CPEB3: variants seen among roughly 807,000 people sequenced by gnomAD.
CPEB3 encodes cytoplasmic polyadenylation element binding protein 3, also known as cytoplasmic polyadenylation element-binding protein 3.
CPEB3 carries 20 observed loss-of-function variants against 67.2 expected under a neutral mutation model. That is an observed-to-expected ratio of 0.30 (90% confidence interval 0.21 to 0.43). The LOEUF is 0.43. Among genes scored for constraint, CPEB3 ranks in the 20% least tolerant of loss-of-function variants. The pLI is 1.00. For missense variants in CPEB3, 746 were observed against 968.6 expected (o/e 0.77, Z 3.05); for synonymous variants, 376 against 393.1 (o/e 0.96, Z 0.51).
Position 92,239,277 on chromosome 10 carries a change from T to A in CPEB3, c.1005+69A>T. The A allele has an allele frequency of 6.6e-7, 1 of 1,518,340 alleles. No homozygotes were observed. The highest frequency in any genetic ancestry group is 1.2e-5 in the South Asian group (1 of 82,730). 94.1% of individuals were successfully genotyped at this position (1,518,340 alleles called of 1,614,324 possible). ...TTTTAAATATAAGCGGGTGGATGAT[T>A]AAAAGTCAGAGAAGTGGCAAAAGGA... is the stretch of plus-strand genomic sequence containing the variant. On this transcript the variant is annotated intron_variant, in intron 2 of 9. Coordinates refer to ENST00000265997, the MANE Select transcript of CPEB3 (RefSeq NM_014912.5). The surrounding 1 kb of genome is among the most constrained non-coding windows in gnomAD (Gnocchi z 6.0).
chr10:92,109,072 A>G (rs73314359), intron 7 of CPEB3, among the ~76,000 whole-genome samples: 1,721 of 152,240 alleles, frequency 0.011, 26 homozygotes, highest in African/African-American at 0.039. Flanking sequence ...CTATTTCAAC[A>G]TGTACTACTA....
At chr10:92,253,480 AAAAAGAAAAGAAAG>A (rs1166384503) in intron 1 of CPEB3, among the ~76,000 whole-genome samples, 1 of 150,132 alleles carries the variant, frequency 6.7e-6, no homozygotes, top group East Asian at 1.9e-4. Context: ...AAAAAAAAAA[AAAAAGAAAAGAAAG>A]AAAAGAAAAT....
At chr10:92,276,398 C>A (rs1841990910) in intron 1 of CPEB3, among the ~76,000 whole-genome samples, 2 of 151,610 alleles carry the variant, frequency 1.3e-5, no homozygotes, top group Non-Finnish European at 2.9e-5. Flanking sequence ...CCTGCCTCAG[C>A]CTCCTGAGTA....
chr10:92,178,863 G>C (rs1193076256), intron 4 of CPEB3, among the ~76,000 whole-genome samples: 2 of 152,052 alleles, frequency 1.3e-5, no homozygotes, highest in Non-Finnish European at 2.9e-5. Flanking sequence ...TACTATGGAG[G>C]ATATTTTTGT....
chr10:92,118,833 G>C (rs1845176048), intron 6 of CPEB3: 1 of 774,368 alleles, frequency 1.3e-6, no homozygotes, highest in Non-Finnish European at 2.4e-6. Flanking sequence ...ACTATCTACA[G>C]TTGGTCTCTT....
At chr10:92,135,279 C>A (rs969464095) in intron 6 of CPEB3, among the ~76,000 whole-genome samples, 2 of 152,164 alleles carry the variant, frequency 1.3e-5, no homozygotes, top group East Asian at 1.9e-4. Context: ...ACAAAGGGCT[C>A]ATATCCAGAA....
chr10:92,128,494 A>T (rs1362966401), intron 6 of CPEB3, among the ~76,000 whole-genome samples: 2 of 152,130 alleles, frequency 1.3e-5, no homozygotes, highest in African/African-American at 2.4e-5. Context: ...AAAATATGAA[A>T]ATTGGTAACT....
At chr10:92,280,752 T>A (rs908997791) in intron 1 of CPEB3, among the ~76,000 whole-genome samples, 1 of 136,468 alleles carries the variant, frequency 7.3e-6, no homozygotes, top group Non-Finnish European at 1.5e-5. Context: ...GAGCATCTAT[T>A]CTTTTTTTTT....
At chr10:92,187,531 G>A (rs1848749957) in intron 3 of CPEB3, among the ~76,000 whole-genome samples, 1 of 152,198 alleles carries the variant, frequency 6.6e-6, no homozygotes, top group African/African-American at 2.4e-5. Context: ...GGCTTCCCCA[G>A]TTAGGGTATA....
intron 2 of CPEB3, among the ~76,000 whole-genome samples, chr10:92,209,698 T>C (rs1490598150): frequency 1.3e-5 from 2 of 151,660 alleles, no homozygotes; most frequent in African/African-American, 4.8e-5. Flanking sequence ...CCCAGCACTT[T>C]GGGAGGCAGA....
intron 3 of CPEB3, among the ~76,000 whole-genome samples, chr10:92,182,613 G>A (rs954313886): frequency 6.6e-6 from 1 of 152,134 alleles, no homozygotes; most frequent in African/African-American, 2.4e-5. Context: ...ATCATCTGAG[G>A]TCATGAGTTA....
At chr10:92,291,202 C>G (rs943319837), upstream of CPEB3, 38 of 512,174 alleles carry the variant, frequency 7.4e-5, no homozygotes, top group African/African-American at 7.4e-4. Context: ...GGCAGCAACT[C>G]GGCGCCCGCG....
chr10:92,117,530 C>T (rs1022378945), intron 6 of CPEB3, among the ~76,000 whole-genome samples: 9 of 151,298 alleles, frequency 5.9e-5, no homozygotes, highest in East Asian at 3.9e-4. Flanking sequence ...CGGGGTTTCA[C>T]GGTGTTAGCC....
chr10:92,067,814 A>G (rs942193081), intron 9 of CPEB3, among the ~76,000 whole-genome samples: 1 of 152,218 alleles, frequency 6.6e-6, no homozygotes, highest in Non-Finnish European at 1.5e-5. Flanking sequence ...GCAAAACTCC[A>G]TCTCGAAAAA....
intron 4 of CPEB3, among the ~76,000 whole-genome samples, chr10:92,156,189 G>A (rs1260535357): frequency 4.6e-5 from 7 of 152,160 alleles, no homozygotes; most frequent in Non-Finnish European, 1.0e-4. Flanking sequence ...GGCCACTGGA[G>A]AAGGCTTCCT....
At chr10:92,244,204 G>A (rs1347104531) in intron 1 of CPEB3, among the ~76,000 whole-genome samples, 1 of 151,724 alleles carries the variant, frequency 6.6e-6, no homozygotes, top group Non-Finnish European at 1.5e-5. Flanking sequence ...AAAATTAGCT[G>A]AGCATGGTGG....
chr10:92,148,033 A>G (rs990491956), intron 4 of CPEB3, among the ~76,000 whole-genome samples: 1 of 152,182 alleles, frequency 6.6e-6, no homozygotes, highest in African/African-American at 2.4e-5. Flanking sequence ...TGTTTAGTCT[A>G]CTGACTTCTA....
chr10:92,094,398 C>A (rs1479510584), intron 7 of CPEB3, among the ~76,000 whole-genome samples: 1 of 151,830 alleles, frequency 6.6e-6, no homozygotes, highest in African/African-American at 2.4e-5. Context: ...GTCAGGAGAT[C>A]GAGACCATCC....
intron 2 of CPEB3, among the ~76,000 whole-genome samples, chr10:92,198,245 T>G (rs1457219629): frequency 6.6e-6 from 1 of 152,232 alleles, no homozygotes; most frequent in Non-Finnish European, 1.5e-5. Context: ...CTCATTGTAC[T>G]GCTTCCTTGA....
Sources: allele counts gnomAD v4.1 joint callset (sites outside exome capture counted in the v4.1 genomes callset), GRCh38; gene constraint gnomAD v4.1.1; non-coding constraint Gnocchi (gnomAD v3.1); transcripts MANE v1.5; gene names NCBI Gene and HGNC (gene_info 2026-07-23, HGNC 2026-07-21).